Variants in ZNF644 observed in about 807,000 individuals in gnomAD.
The protein encoded by ZNF644 is zinc finger motif enhancer binding protein 2.
Under a neutral mutation model 108.0 loss-of-function variants are expected in ZNF644, and 20 were observed. That is an observed-to-expected ratio of 0.19 (90% CI 0.13 to 0.27). The LOEUF is 0.27. ZNF644 is among the 10% of genes least tolerant of loss of function. The pLI, the probability that ZNF644 is intolerant of heterozygous loss-of-function variation, is 1.00. For missense variants in ZNF644, 1,338 were observed against 1,548.9 expected (o/e 0.86, Z 2.29); for synonymous variants, 542 against 539.1 (o/e 1.01, Z -0.08).
At position 90,940,552 on chromosome 1, in the gene ZNF644, A is replaced by T; in HGVS notation, c.802T>A (p.Phe268Ile). Residue 268 changes from phenylalanine to isoleucine, a missense_variant, in exon 3 of 6, where the codon TTT becomes ATT. Coordinates refer to ENST00000337393, the MANE Select transcript of ZNF644 (RefSeq NM_201269.3). Reference sequence around the variant, plus strand: ...ACTGTTTCCTCATTAGTCATAAGAAATTGAATGAACTCTTTTTGGGGATCC... The same window carrying T: ...ACTGTTTCCTCATTAGTCATAAGAATTTGAATGAACTCTTTTTGGGGATCC... Reference protein sequence around the residue: ...NWDPQKEFIQFLMTNEETVDK... With the variant: ...NWDPQKEFIQILMTNEETVDK... 1 of 1,613,956 alleles carries T rather than the reference A, an allele frequency of 6.2e-7. No individual in the cohort carries two copies. The highest frequency in any genetic ancestry group is 1.3e-5 in the African/African-American group (1 of 74,990).
At chr1:91,021,606 A>C in intron 1 of ZNF644, 2 of 155,208 alleles carry the variant, frequency 1.3e-5, no homozygotes, top group Non-Finnish European at 2.7e-5. Context: ...TGTGTCCGCT[A>C]CCGGATCCTC....
intron 1 of ZNF644, among the ~76,000 whole-genome samples, chr1:91,002,613 G>A (rs1334492457): frequency 6.6e-6 from 1 of 152,088 alleles, no homozygotes; most frequent in Non-Finnish European, 1.5e-5. Flanking sequence ...CAGGACACAG[G>A]CATGGGTAAA....
At chr1:90,988,568 C>T (rs558524997) in intron 1 of ZNF644, among the ~76,000 whole-genome samples, 24 of 152,196 alleles carry the variant, frequency 1.6e-4, no homozygotes, top group African/African-American at 5.8e-4. Context: ...CAAAGGACCC[C>T]ATAGAGCCAA....
intron 4 of ZNF644, among the ~76,000 whole-genome samples, chr1:90,929,325 T>C (rs901384970): frequency 6.6e-6 from 1 of 152,228 alleles, no homozygotes; most frequent in Non-Finnish European, 1.5e-5. Flanking sequence ...GTTTTATGTA[T>C]GTTGTCAACA....
chr1:90,953,743 C>T (rs1048083555), intron 2 of ZNF644, among the ~76,000 whole-genome samples: 1 of 151,842 alleles, frequency 6.6e-6, no homozygotes, highest in Non-Finnish European at 1.5e-5. Context: ...GGGGAAATCC[C>T]ATCTCTACTA....
intron 1 of ZNF644, among the ~76,000 whole-genome samples, chr1:91,003,573 C>G (rs1019027031): frequency 6.6e-6 from 1 of 151,880 alleles, no homozygotes; most frequent in African/African-American, 2.4e-5. Context: ...GGAGATATAC[C>G]TAATGCTAAA....
At chr1:90,921,980 T>C (rs927439623) in intron 4 of ZNF644, among the ~76,000 whole-genome samples, 1 of 152,218 alleles carries the variant, frequency 6.6e-6, no homozygotes, top group Non-Finnish European at 1.5e-5. Flanking sequence ...TGAGCCATTA[T>C]TTAGTTTTAT....
intron 2 of ZNF644, among the ~76,000 whole-genome samples, chr1:90,958,281 A>G (rs1287380825): frequency 6.6e-6 from 1 of 151,232 alleles, no homozygotes; most frequent in African/African-American, 2.4e-5. Context: ...CAAGAAAGTA[A>G]AAGACTTGTG....
At chr1:90,943,899 G>A (rs1035257457) in intron 2 of ZNF644, among the ~76,000 whole-genome samples, 1 of 152,140 alleles carries the variant, frequency 6.6e-6, no homozygotes, top group Non-Finnish European at 1.5e-5. Context: ...AACATAAAAC[G>A]CTTCAATAGC....
intron 4 of ZNF644, among the ~76,000 whole-genome samples, chr1:90,926,779 C>T (rs993790867): frequency 1.3e-5 from 2 of 152,168 alleles, no homozygotes; most frequent in African/African-American, 4.8e-5. Flanking sequence ...CCCTCCTTTA[C>T]ATTCTTAATG....
intron 2 of ZNF644, among the ~76,000 whole-genome samples, chr1:90,962,921 C>T (rs966166138): frequency 6.6e-6 from 1 of 152,040 alleles, no homozygotes; most frequent in African/African-American, 2.4e-5. Flanking sequence ...ACACAAGCAG[C>T]ATTAACAATA....
chr1:90,958,257 A>G (rs966289245), intron 2 of ZNF644, among the ~76,000 whole-genome samples: 4 of 146,042 alleles, frequency 2.7e-5, no homozygotes, highest in Non-Finnish European at 6.1e-5. Flanking sequence ...AAAAAAAAAA[A>G]GAATAAATGT....
chr1:90,969,047 T>C (rs1655205140), intron 2 of ZNF644, among the ~76,000 whole-genome samples: 1 of 152,332 alleles, frequency 6.6e-6, no homozygotes, highest in South Asian at 2.1e-4. Context: ...ACTCCACTCA[T>C]TAATTCATTC....
intron 4 of ZNF644, 145 bp downstream of exon 4, chr1:90,937,340 A>T (rs774528056): frequency 4.7e-5 from 52 of 1,095,380 alleles, no homozygotes; most frequent in Non-Finnish European, 6.5e-5. Context: ...ATGACAGTAG[A>T]ATAACCAATC....
intron 1 of ZNF644, among the ~76,000 whole-genome samples, chr1:90,995,300 A>C (rs2101620994): frequency 6.6e-6 from 1 of 152,290 alleles, no homozygotes. Context: ...CAGAAGAAAG[A>C]ATTGGTGAGT....
intron 1 of ZNF644, among the ~76,000 whole-genome samples, chr1:90,999,884 A>G (rs1409885246): frequency 1.3e-5 from 2 of 152,208 alleles, no homozygotes; most frequent in South Asian, 4.1e-4. Flanking sequence ...CAGGGGTTGC[A>G]ATCCTAGTCT....
rs140399115 is a variant in ZNF644, at chr1:90,976,860, T to C, written c.44+5450A>G. 8.6e-3 allele frequency among the ~76,000 whole-genome samples: 1,307 copies of C among 152,204 alleles called. 11 individuals carry two copies. The highest frequency in any genetic ancestry group is 0.023 in the African/African-American group (953 of 41,518). ...CTCAAATCCCTTATATAATATGGCA[T>C]AGTACTTTAAACATATCTAGGAATA... is the stretch of plus-strand genomic sequence containing the variant. On this transcript the variant is annotated intron_variant, in intron 2 of 5. Transcript: ENST00000337393.
At chr1:90,958,327 A>C (rs1557598565) in intron 2 of ZNF644, among the ~76,000 whole-genome samples, 1 of 151,964 alleles carries the variant, frequency 6.6e-6, no homozygotes, top group Non-Finnish European at 1.5e-5. Flanking sequence ...GAAAAACTTA[A>C]AGGCTTAATT....
chr1:90,948,663 T>C (rs1015758718), intron 2 of ZNF644, among the ~76,000 whole-genome samples: 6 of 152,190 alleles, frequency 3.9e-5, no homozygotes, highest in South Asian at 2.1e-4. Context: ...AACCCACAGA[T>C]ACAGAAAGTC....
Sources: allele counts gnomAD v4.1 joint callset (sites outside exome capture counted in the v4.1 genomes callset), GRCh38; gene constraint gnomAD v4.1.1; transcripts MANE v1.5; gene names NCBI Gene and HGNC (gene_info 2026-07-23, HGNC 2026-07-21).